HEATR9: variants seen among roughly 807,000 people sequenced by gnomAD.
The protein encoded by HEATR9 is HEAT repeat containing 9.
In HEATR9, 54 loss-of-function variants were observed where a neutral mutation model predicts 68.2. That is an observed-to-expected ratio of 0.79 (90% CI 0.64 to 0.99). The LOEUF is 0.99. HEATR9 is among the 50% of genes least tolerant of loss of function. The pLI is 0.00. For synonymous variants in HEATR9, 241 were observed against 253.5 expected, an observed-to-expected ratio of 0.95 and a Z score of 0.47; for missense variants, 662 against 679.7, an observed-to-expected ratio of 0.97 and a Z score of 0.29.
At position 35,863,118 on chromosome 17, in the gene HEATR9, C is replaced by G. The variant is rs576870179; in HGVS notation, c.633G>C (p.Leu211=). 2.7e-5 allele frequency: 43 copies of G among 1,614,084 alleles called. No individual in the cohort carries two copies. Among genetic ancestry groups the G allele is most frequent in the Non-Finnish European group, 3.4e-5 (40 of 1,180,040 alleles). The part of the protein sequence containing the change: ...AYRTLAILGC[L]NKHVIRALIK... ...TGAGAGCCCGGATCACATGCTTATT[C>G]AGGCAACCTGGACAGGGAGGGGCCT... The change falls in exon 8 of 15, where the codon CTG becomes CTC. Residue 211 remains leucine (L), a synonymous_variant. Coordinates refer to ENST00000604834, the MANE Select transcript of HEATR9 (RefSeq NM_152781.4).
At chr17:35,868,464 C>T in intron 1 of HEATR9, 191 bp downstream of exon 1, 2 of 994,112 alleles carry the variant, frequency 2.0e-6, no homozygotes, top group Non-Finnish European at 2.8e-6. Flanking sequence ...CTTAGAGATC[C>T]CTGTAGGCCC....
chr17:35,856,599 A>G (rs1309024985), intron 12 of HEATR9, 133 bp downstream of exon 12: 6 of 818,448 alleles, frequency 7.3e-6, no homozygotes, highest in Admixed American at 4.3e-5. Context: ...GCAAGGGAGA[A>G]CTGAGGACCT....
In HEATR9 at chr17:35,868,778, G is replaced by C; in HGVS notation, c.-36C>G. 6.2e-7 allele frequency: 1 copy of C among 1,604,386 alleles called. No homozygotes were observed. On this transcript the variant is annotated 5_prime_UTR_variant, in exon 1 of 15. Coordinates refer to ENST00000604834, the MANE Select transcript of HEATR9 (RefSeq NM_152781.4). ...TGGTGGGGCCAGAGGGAACCTGCAG[G>C]GGGGAATACAAGGCTTTTAGGGGAG...
rs559628268 is a variant in HEATR9 at position 35,860,907 on chromosome 17, G to A, written c.757-1837C>T. Among the ~76,000 whole-genome samples, 13 of 152,226 alleles carry A rather than the reference G, an allele frequency of 8.5e-5. No homozygotes were observed. In the East Asian group the frequency reaches 1.9e-3, roughly 23 times the overall value. On this transcript the variant is annotated intron_variant, in intron 8 of 14. Transcript: ENST00000604834. ...AAAAATACAAAAAAATTAGCCGGGCGTGGTGGCACATGCCTGTAATCCCAG... is the reference window on the plus strand; with the variant it reads ...AAAAATACAAAAAAATTAGCCGGGCATGGTGGCACATGCCTGTAATCCCAG...
intron 13 of HEATR9, 131 bp downstream of exon 13, chr17:35,856,042 G>A (rs546329984): frequency 1.7e-5 from 17 of 1,022,574 alleles, no homozygotes; most frequent in Middle Eastern, 6.3e-4. Context: ...GGTTCGGTAG[G>A]GCTGGAATTC....
At chr17:35,865,087 G>A (rs577858132) in intron 3 of HEATR9, 128 bp downstream of exon 3, 15 of 1,315,916 alleles carry the variant, frequency 1.1e-5, no homozygotes, top group East Asian at 2.3e-5. Context: ...AAGCCGAGCC[G>A]CCCTAAGCTC....
Position 35,858,317 on chromosome 17 carries a change from G to A in HEATR9, c.1035C>T (p.Asp345=). Residue 345 remains aspartate (D), a splice_region_variant and synonymous_variant, in exon 11 of 15, where the codon GAC becomes GAT. Coordinates refer to ENST00000604834, the MANE Select transcript of HEATR9 (RefSeq NM_152781.4). The stretch of plus-strand genomic sequence containing the variant: ...TGAGCATTTGGGTGGCTTCAAAGCG[G>A]TCCTGAGGTCGGGGGTGAGGGTTAG... ...DQLCSSSVLE[D]RFEATQMLKT... The A allele has an allele frequency of 6.2e-7, 1 of 1,614,216 alleles. No individual in the cohort carries two copies. The highest frequency in any genetic ancestry group is 8.5e-7 in the Non-Finnish European group (1 of 1,180,036).
chr17:35,864,466 A>T, intron 5 of HEATR9, 31 bp downstream of exon 5: 1 of 1,609,126 alleles, frequency 6.2e-7, no homozygotes, highest in Non-Finnish European at 8.5e-7. Context: ...CCTGGCTGTA[A>T]CCACCCTCCT....
At chr17:35,856,910 C>T in intron 11 of HEATR9, 105 bp from the exon 12 acceptor site, 1 of 1,068,520 alleles carries the variant, frequency 9.4e-7, no homozygotes. Flanking sequence ...TATGTAGAGT[C>T]CCTGCCTTAA....
In HEATR9 at chr17:35,855,320, T is replaced by G. The variant is rs1313842895; in HGVS notation, c.1456A>C (p.Lys486Gln). The G allele has an allele frequency of 6.2e-7, 1 of 1,614,192 alleles. No individual in the cohort carries two copies. The highest frequency in any genetic ancestry group is 8.5e-7 in the Non-Finnish European group (1 of 1,179,996). Residue 486 changes from lysine (K) to glutamine (Q), a missense_variant, in exon 15 of 15, where the codon AAG becomes CAG. Coordinates refer to ENST00000604834, the MANE Select transcript of HEATR9 (RefSeq NM_152781.4). ...GTGGGCTCTGCCTTCACATTGGTCT[T>G]AGGTGCCTCATATACAGAGAGAACC... ...NKVLSVYEAP[K>Q]TNVKAEPTRF... is the part of the protein sequence containing the mutation.
At chr17:35,860,295 A>C (rs1451132946) in intron 8 of HEATR9, among the ~76,000 whole-genome samples, 1 of 147,666 alleles carries the variant, frequency 6.8e-6, no homozygotes, top group Non-Finnish European at 1.5e-5. Context: ...GGGAGGCTGA[A>C]GCAGGAGAAT....
intron 3 of HEATR9, 61 bp downstream of exon 3, chr17:35,865,154 C>T: frequency 6.4e-7 from 1 of 1,564,564 alleles, no homozygotes; most frequent in South Asian, 1.2e-5. Flanking sequence ...CTTCCTTGCC[C>T]TTCCTCACTT....
chr17:35,855,456 G>T (rs1403219172), intron 14 of HEATR9, 46 bp from the exon 15 acceptor site: 1 of 1,555,112 alleles, frequency 6.4e-7, no homozygotes, highest in East Asian at 2.3e-5. Flanking sequence ...TTGGGTTCAG[G>T]CTGGGAGGCT....
intron 3 of HEATR9, 77 bp downstream of exon 3, chr17:35,865,138 C>G: frequency 6.6e-7 from 1 of 1,520,348 alleles, no homozygotes; most frequent in Non-Finnish European, 9.0e-7. Flanking sequence ...ACTCCCTGGC[C>G]CACCCCTTCC....
Position 35,856,227 on chromosome 17 carries a change from G to T in HEATR9, c.1227-3C>A. 1 of 1,614,158 alleles carries T rather than the reference G, an allele frequency of 6.2e-7. No individual in the cohort carries two copies. On this transcript the variant is annotated splice_region_variant and splice_polypyrimidine_tract_variant and intron_variant, in intron 12 of 14. Coordinates refer to ENST00000604834, the MANE Select transcript of HEATR9 (RefSeq NM_152781.4). ...TGGCATCTGGGTTCATCAGTTGTCT[G>T]TGTAGAAGGGAGTGAGTATGTTATA...
chr17:35,857,956 T>C (rs2087835801), intron 11 of HEATR9, among the ~76,000 whole-genome samples: 1 of 152,114 alleles, frequency 6.6e-6, no homozygotes, highest in Admixed American at 6.5e-5. Context: ...GATTACTTAC[T>C]GGTGCGAGTG....
chr17:35,868,501 C>T, intron 1 of HEATR9, 154 bp downstream of exon 1: 1 of 1,363,508 alleles, frequency 7.3e-7, no homozygotes, highest in Non-Finnish European at 9.7e-7. Context: ...ACCTTGAGGA[C>T]TGTGCAGAGC....
chr17:35,863,227 G>A (rs2088061778), intron 7 of HEATR9, 102 bp from the exon 8 acceptor site: 2 of 1,476,336 alleles, frequency 1.4e-6, no homozygotes, highest in South Asian at 2.3e-5. Flanking sequence ...TAAGTTCCAA[G>A]TCCTAGGTAC....
At position 35,858,500 on chromosome 17, in the gene HEATR9, A is replaced by T. The variant is rs142132238; in HGVS notation, c.965T>A (p.Met322Lys). The T allele has an allele frequency of 1.9e-6, 3 of 1,613,342 alleles. No individual in the cohort carries two copies. Among genetic ancestry groups the T allele is most frequent in the Non-Finnish European group, 2.5e-6 (3 of 1,179,960 alleles). Residue 322 changes from methionine (M) to lysine (K), a missense_variant, in exon 10 of 15, where the codon ATG becomes AAG. Coordinates refer to ENST00000604834, the MANE Select transcript of HEATR9 (RefSeq NM_152781.4). The stretch of plus-strand genomic sequence containing the variant: ...GATGACTGGGGCTGAGTGCACGTGC[A>T]TCACCTTGACCAGCATCCTAAGTGC... ...MKALRMLVKV[M>K]HVHSAPVIKA...
Sources: allele counts gnomAD v4.1 joint callset (sites outside exome capture counted in the v4.1 genomes callset), GRCh38; gene constraint gnomAD v4.1.1; transcripts MANE v1.5; gene names NCBI Gene and HGNC (gene_info 2026-07-23, HGNC 2026-07-21).